The following NCKIPSD variants were observed in gnomAD, a reference collection of about 807,000 sequenced individuals.
NCKIPSD encodes the protein NCK interacting protein with SH3 domain.
A neutral mutation model predicts 73.4 loss-of-function variants in NCKIPSD; 48 were observed. The ratio of observed to expected loss-of-function variants is 0.65; its 90% CI spans 0.52 to 0.83. NCKIPSD has a LOEUF of 0.83. Among genes scored for constraint, NCKIPSD ranks in the 40% least tolerant of loss-of-function variants. The pLI is 0.00. For synonymous variants in NCKIPSD, 422 were observed against 403.6 expected (o/e 1.05, Z -0.54); for missense variants, 884 against 970.2 (o/e 0.91, Z 1.18).
In NCKIPSD at chr3:48,682,036, C is replaced by A. The variant is rs2077361907; in HGVS notation, c.598+9G>T. 3 of 1,599,504 alleles carry A rather than the reference C, an allele frequency of 1.9e-6. No homozygotes were observed. Among genetic ancestry groups the A allele is most frequent in the South Asian group, 1.1e-5 (1 of 90,598 alleles). Reference sequence around the variant, plus strand: ...CTCCACCTGAATTCCCCTAACCCTGCCTTCTTACCACTCCCAGAGGCCATC... The same window carrying A: ...CTCCACCTGAATTCCCCTAACCCTGACTTCTTACCACTCCCAGAGGCCATC... On this transcript the variant is annotated intron_variant, in intron 4 of 12. Transcript: ENST00000294129.
chr3:48,682,003 T>C (rs369680873), intron 4 of NCKIPSD, 42 bp downstream of exon 4: 53 of 1,573,222 alleles, frequency 3.4e-5, no homozygotes, highest in South Asian at 2.0e-4. Flanking sequence ...ATTCCAAGCA[T>C]AGGGTGCCTC....
chr3:48,680,693 T>G (rs1035550418), intron 5 of NCKIPSD, among the ~76,000 whole-genome samples: 39 of 152,130 alleles, frequency 2.6e-4, no homozygotes, highest in Admixed American at 2.4e-3. Flanking sequence ...CATGGAGCAC[T>G]AAAGAGGGAC....
rs749019309 is a variant in NCKIPSD at position 48,681,382 on chromosome 3, C to A, written c.997G>T (p.Val333Leu). 1.2e-6 allele frequency: 2 copies of A among 1,612,114 alleles called. No individual in the cohort carries two copies. Among genetic ancestry groups the A allele is most frequent in the African/African-American group, 2.7e-5 (2 of 74,902 alleles). ...TGACCCACTATGATGCCGATGGCCA[C>A]CCGGCATAATTCGTGGCTCAGGCCA... is the stretch of plus-strand genomic sequence containing the variant. ...NTGLSHELCRVAIGIIVGHIQ... is the reference protein window; with the variant it reads ...NTGLSHELCRLAIGIIVGHIQ... The change falls in exon 5 of 13, where the codon GTG (valine) becomes TTG (leucine). Residue 333 changes from valine (V) to leucine (L), a missense_variant. Coordinates refer to ENST00000294129, the MANE Select transcript of NCKIPSD (RefSeq NM_016453.4).
chr3:48,682,727 A>T, intron 2 of NCKIPSD, 175 bp from the exon 3 acceptor site: 2 of 1,121,672 alleles, frequency 1.8e-6, no homozygotes, highest in Non-Finnish European at 2.5e-6. Context: ...CGCTCTGCAC[A>T]CCCCTGGTGC....
chr3:48,682,325 T>C, intron 3 of NCKIPSD, 23 bp downstream of exon 3: 4 of 1,612,086 alleles, frequency 2.5e-6, no homozygotes, highest in Non-Finnish European at 8.5e-7. Flanking sequence ...ACCTCCCTTC[T>C]CCACGATGTC....
chr3:48,678,453 C>G (rs1490975017), intron 12 of NCKIPSD, 111 bp downstream of exon 12: 3 of 1,361,682 alleles, frequency 2.2e-6, no homozygotes, highest in Non-Finnish European at 2.9e-6. Context: ...CTACACTTAC[C>G]TGGCTCCAGC....
rs1485860373 is a variant in NCKIPSD, at chr3:48,681,754, C to A, written c.625G>T (p.Gly209Cys). ...SGGHNTMPSG[G>C]NSVSSGSSVS... ...GAGGAGCCGCTGGACACAGAGTTAC[C>A]CCCGGAGGGCATGGTGTTGTGGCCA... The change falls in exon 5 of 13, where the codon GGT (glycine) becomes TGT (cysteine). Residue 209 changes from glycine to cysteine, a missense_variant. Gly to Cys is a radical substitution (Grantham distance 159). Transcript: ENST00000294129. The A allele has an allele frequency of 6.6e-7, 1 of 1,517,052 alleles. No homozygotes were observed. The highest frequency in any genetic ancestry group is 1.3e-5 in the South Asian group (1 of 75,888). The allele number at this position is 1,517,052 out of a possible 1,614,324, so 94.0% of individuals were successfully genotyped here.
rs772750610 is a variant in NCKIPSD, at chr3:48,682,191, T to C, written c.487-35A>G. On this transcript the variant is annotated intron_variant, in intron 3 of 12. Coordinates refer to ENST00000294129, the MANE Select transcript of NCKIPSD (RefSeq NM_016453.4). ...GGAAGTAGGATCTTGGAGGACAGACTGACATCTAGAGCGTCAGCGAGGCTC... is the reference window on the plus strand; with the variant it reads ...GGAAGTAGGATCTTGGAGGACAGACCGACATCTAGAGCGTCAGCGAGGCTC... The C allele has an allele frequency of 5.0e-6, 8 of 1,585,206 alleles. No homozygotes were observed. The East Asian group carries it at 1.6e-4, about 31-fold the overall frequency.
Position 48,679,793 on chromosome 3 carries a change from G to A in NCKIPSD, c.1350+8C>T, listed in dbSNP as rs1031441784. The A allele has an allele frequency of 1.9e-6, 3 of 1,614,184 alleles. No homozygotes were observed. Among genetic ancestry groups the A allele is most frequent in the Non-Finnish European group, 1.7e-6 (2 of 1,180,016 alleles). On this transcript the variant is annotated splice_region_variant and intron_variant, in intron 7 of 12. Transcript: ENST00000294129. ...CTCCATTACCCCTCCCCTCCATCCT[G>A]CACATACCATTTGGTAATAGGCCAC...
chr3:48,681,819 C>A, intron 4 of NCKIPSD, 39 bp from the exon 5 acceptor site: 1 of 1,462,516 alleles, frequency 6.8e-7, no homozygotes, highest in South Asian at 1.4e-5. Context: ...GGGCAGCCCC[C>A]TGGAAAACCA....
Position 48,681,674 on chromosome 3 carries a change from T to C in NCKIPSD, c.705A>G (p.Pro235=), listed in dbSNP as rs2077355492. 1 of 1,601,854 alleles carries C rather than the reference T, an allele frequency of 6.2e-7. No individual in the cohort carries two copies. The highest frequency in any genetic ancestry group is 1.7e-5 in the Admixed American group (1 of 59,328). Residue 235 remains proline (P), a synonymous_variant, in exon 5 of 13, where the codon CCA becomes CCG. Coordinates refer to ENST00000294129, the MANE Select transcript of NCKIPSD (RefSeq NM_016453.4). ...TLYTSSSPSE[P]GSSCSPTPPP... The stretch of plus-strand genomic sequence containing the variant: ...GGGGTGTGGGTGAGCAGCTGGAGCC[T>C]GGTTCAGATGGGCTGGAGCTGGTAT...
intron 12 of NCKIPSD, 27 bp downstream of exon 12, chr3:48,678,537 C>T (rs760611337): frequency 2.5e-6 from 4 of 1,592,022 alleles, no homozygotes; most frequent in Non-Finnish European, 3.4e-6. Flanking sequence ...CACAGTGACC[C>T]CCGCTGCTGC....
chr3:48,682,490 G>C lies in NCKIPSD; in HGVS notation c.344C>G (p.Ala115Gly). 1 of 1,614,168 alleles carries C rather than the reference G, an allele frequency of 6.2e-7. No homozygotes were observed. Among genetic ancestry groups the C allele is most frequent in the Non-Finnish European group, 8.5e-7 (1 of 1,180,012 alleles). The change falls in exon 3 of 13, where the codon GCA becomes GGA. Residue 115 changes from alanine to glycine, a missense_variant. Ala to Gly is a moderately conservative substitution (Grantham distance 60). Transcript: ENST00000294129. ...GTCACTGGTTGATGAGGTCATAACT[G>C]CAACACTGGAGGCTGAAGGGCCTCT... is the stretch of plus-strand genomic sequence containing the variant. ...SRRGPSASSV[A>G]VMTSSTSDHH...
rs765872857 is a variant in NCKIPSD, at chr3:48,681,173, T to A, written c.1092+114A>T. On this transcript the variant is annotated intron_variant, in intron 5 of 12. Coordinates refer to ENST00000294129, the MANE Select transcript of NCKIPSD (RefSeq NM_016453.4). ...TCAACGTCCCCAGTGCCCAGCACAG[T>A]AAGAGCTCAGAGCCAGAGCTTGAGA... 61 of 1,440,670 alleles carry A rather than the reference T, an allele frequency of 4.2e-5. No homozygotes were observed. In the South Asian group the frequency reaches 5.2e-4, roughly 12 times the overall value. 89.2% of individuals were successfully genotyped at this position (1,440,670 alleles called of 1,614,324 possible).
intron 9 of NCKIPSD, 75 bp from the exon 10 acceptor site, chr3:48,679,258 C>G: frequency 6.3e-7 from 1 of 1,596,444 alleles, no homozygotes; most frequent in Non-Finnish European, 8.5e-7. Context: ...TCCTGGCTTT[C>G]TGTGAGCCTT....
intron 12 of NCKIPSD, among the ~76,000 whole-genome samples, chr3:48,678,170 C>G (rs1195502906): frequency 6.6e-6 from 1 of 152,220 alleles, no homozygotes; most frequent in African/African-American, 2.4e-5. Flanking sequence ...ATCCCCACCC[C>G]ATCCATGCCA....
Position 48,674,727 on chromosome 3 carries a change from G to A in NCKIPSD, c.1986C>T (p.Ser662=). Residue 662 remains serine (S), a synonymous_variant, in exon 13 of 13, where the codon TCC becomes TCT. Coordinates refer to ENST00000294129, the MANE Select transcript of NCKIPSD (RefSeq NM_016453.4). The part of the protein sequence containing the change: ...PGDKLRMEYL[S]LMHAIVRTTP... ...TGGTGCGGACTATAGCATGCATCAG[G>A]GAGAGGTACTCCATGCGCAGCTGTG... 1 of 1,613,990 alleles carries A rather than the reference G, an allele frequency of 6.2e-7. No individual in the cohort carries two copies. The highest frequency in any genetic ancestry group is 8.5e-7 in the Non-Finnish European group (1 of 1,179,966).
chr3:48,677,997 T>TC (rs1434002447), intron 12 of NCKIPSD, among the ~76,000 whole-genome samples: 1 of 152,182 alleles, frequency 6.6e-6, no homozygotes, highest in Admixed American at 6.5e-5. Flanking sequence ...CACGACTCTC[T>TC]ATTTTCCCCC....
At chr3:48,678,346 C>T (rs2077285718) in intron 12 of NCKIPSD, among the ~76,000 whole-genome samples, 1 of 152,182 alleles carries the variant, frequency 6.6e-6, no homozygotes, top group Non-Finnish European at 1.5e-5. Flanking sequence ...TGCCTCATCT[C>T]CCTCCACTCC....
Sources: allele counts gnomAD v4.1 joint callset (sites outside exome capture counted in the v4.1 genomes callset), GRCh38; gene constraint gnomAD v4.1.1; transcripts MANE v1.5; gene names NCBI Gene and HGNC (gene_info 2026-07-23, HGNC 2026-07-21).